Variants in NEURL1B observed in about 807,000 individuals in gnomAD.
NEURL1B encodes neuralized E3 ubiquitin protein ligase 1B.
In NEURL1B, 13 loss-of-function variants were observed where a neutral mutation model predicts 37.4. The ratio of observed to expected loss-of-function variants is 0.35; its 90% confidence interval spans 0.23 to 0.55. The LOEUF is 0.55. NEURL1B is among the 20% of genes least tolerant of loss of function. The probability of loss-of-function intolerance (pLI) is 0.89; values close to 1 mark genes in which losing one functional copy is unlikely to be tolerated. For missense variants in NEURL1B, 790 were observed against 879.2 expected (o/e 0.90, Z 1.28); for synonymous variants, 432 against 426.6 (o/e 1.01, Z -0.16).
intron 1 of NEURL1B, among the ~76,000 whole-genome samples, chr5:172,643,254 G>A (rs913024049): frequency 2.1e-4 from 32 of 152,158 alleles, no homozygotes; most frequent in African/African-American, 7.5e-4. Context: ...GGTCAGAACC[G>A]GAATTCCTGA....
At chr5:172,653,964 C>T (rs1327487713) in intron 1 of NEURL1B, among the ~76,000 whole-genome samples, 2 of 152,100 alleles carry the variant, frequency 1.3e-5, no homozygotes, top group African/African-American at 4.8e-5. Flanking sequence ...TACCATATAA[C>T]ATACTTTTTA....
rs568129709 is a variant in NEURL1B at position 172,651,923 on chromosome 5, G to A, written c.31+10486G>A. ...TTTTCCTCCCACTGGTTGATGAAAT[G>A]CCAGGGTGAAAGGGATAGCCAACTG... On this transcript the variant is annotated intron_variant, in intron 1 of 4. Transcript: ENST00000369800. 2.6e-5 allele frequency among the ~76,000 whole-genome samples: 4 copies of A among 152,342 alleles called. No individual in the cohort carries two copies. The South Asian group carries it at 8.3e-4, about 32-fold the overall frequency.
At chr5:172,644,366 C>T (rs143345074) in intron 1 of NEURL1B, among the ~76,000 whole-genome samples, 115 of 152,292 alleles carry the variant, frequency 7.6e-4, no homozygotes, top group Non-Finnish European at 1.1e-3. Flanking sequence ...AACTTAGCTC[C>T]AAAGTCCTGC....
intron 1 of NEURL1B, chr5:172,656,586 A>AGCTCCTCGAGTTTCTTCT: frequency 1.2e-6 from 2 of 1,611,112 alleles, no homozygotes; most frequent in Non-Finnish European, 8.5e-7. Context: ...CTTCGCTTTT[A>AGCTCCTCGAGTTTCTTCT]GCTCCTCGAG....
rs982981346 is a variant in NEURL1B at position 172,661,720 on chromosome 5, C to T, written c.32-8065C>T. Among the ~76,000 whole-genome samples the T allele has an allele frequency of 3.9e-5, 6 of 152,240 alleles. No homozygotes were observed. Among genetic ancestry groups the T allele is most frequent in the African/African-American group, 7.2e-5 (3 of 41,462 alleles). On this transcript the variant is annotated intron_variant, in intron 1 of 4. Coordinates refer to ENST00000369800, the MANE Select transcript of NEURL1B (RefSeq NM_001142651.3). The surrounding 1 kb of genome is among the most constrained non-coding windows in gnomAD (Gnocchi z 4.0). ...AAAACCTCAGCCAGCATGCCATCTG[C>T]GGAACTCCAGCAGGCTGGAAGCCGG... is the stretch of plus-strand genomic sequence containing the variant.
chr5:172,670,010 T>C lies in NEURL1B; in HGVS notation c.257T>C (p.Leu86Pro), dbSNP rs1466946786. 2.0e-6 allele frequency: 3 copies of C among 1,486,792 alleles called. No individual in the cohort carries two copies. The highest frequency in any genetic ancestry group is 2.7e-6 in the Non-Finnish European group (3 of 1,124,530). The allele number at this position is 1,486,792 out of a possible 1,614,324, so 92.1% of individuals were successfully genotyped here. Residue 86 changes from leucine (L) to proline (P), a missense_variant, in exon 2 of 5, where the codon CTG (leucine) becomes CCG (proline). By Grantham distance (98) the Leu-to-Pro change is moderately conservative. Coordinates refer to ENST00000369800, the MANE Select transcript of NEURL1B (RefSeq NM_001142651.3). ...CTGTACGAGCAGGTGCGGCTGCGCC[T>C]GGTGGCCGTGCGCCCTGGCTGGAGC... ...IRLYEQVRLR[L>P]VAVRPGWSGA...
intron 1 of NEURL1B, among the ~76,000 whole-genome samples, chr5:172,663,695 G>C (rs1439039065): frequency 1.3e-5 from 2 of 151,786 alleles, no homozygotes; most frequent in Non-Finnish European, 2.9e-5. Flanking sequence ...AGAAGTGGGG[G>C]GCACGGCTCA....
intron 1 of NEURL1B, among the ~76,000 whole-genome samples, chr5:172,664,484 C>T (rs560988571): frequency 7.8e-6 from 1 of 127,856 alleles, no homozygotes; most frequent in Admixed American, 8.1e-5. Flanking sequence ...GGAGAGGCAG[C>T]GGGTGGGGGG....
At chr5:172,664,042 C>T (rs1263806860) in intron 1 of NEURL1B, among the ~76,000 whole-genome samples, 8 of 151,404 alleles carry the variant, frequency 5.3e-5, no homozygotes, top group Non-Finnish European at 2.9e-5. Context: ...GGCTTGGGAG[C>T]GATGTGGGGA....
rs879628386 is a variant in NEURL1B at position 172,665,871 on chromosome 5, G to C, written c.32-3914G>C. 6.6e-6 allele frequency among the ~76,000 whole-genome samples: 1 copy of C among 152,190 alleles called. No homozygotes were observed. Among genetic ancestry groups the C allele is most frequent in the Admixed American group, 6.5e-5 (1 of 15,286 alleles). ...GCCTGAGATGGTCTTTATCACGCCT[G>C]TTGTCGTTGGGCATTCAGCTGTGTG... On this transcript the variant is annotated intron_variant, in intron 1 of 4. Coordinates refer to ENST00000369800, the MANE Select transcript of NEURL1B (RefSeq NM_001142651.3). The surrounding 1 kb of genome is among the most constrained non-coding windows in gnomAD (Gnocchi z 4.1).
At chr5:172,656,990 C>T (rs186308032) in intron 1 of NEURL1B, among the ~76,000 whole-genome samples, 4 of 152,232 alleles carry the variant, frequency 2.6e-5, no homozygotes, top group Admixed American at 2.6e-4. Flanking sequence ...ATCTGTGCTC[C>T]CAAAATTGAT....
intron 1 of NEURL1B, among the ~76,000 whole-genome samples, chr5:172,648,046 G>A (rs920339393): frequency 3.3e-5 from 5 of 152,162 alleles, no homozygotes; most frequent in South Asian, 2.1e-4. Context: ...TCCAGGGCCC[G>A]CGTCTGTCCT....
In NEURL1B at chr5:172,689,535, A is replaced by G. The variant is rs571026743; in HGVS notation, c.*2610A>G. On this transcript the variant is annotated 3_prime_UTR_variant, in exon 5 of 5. Coordinates refer to ENST00000369800, the MANE Select transcript of NEURL1B (RefSeq NM_001142651.3). Reference sequence around the variant, plus strand: ...TCCAATCAGAGATGTTCACGTGTGAAAAAAAAACTGTGCTACTTACAATCT... The same window carrying G: ...TCCAATCAGAGATGTTCACGTGTGAGAAAAAAACTGTGCTACTTACAATCT... The G allele has an allele frequency of 4.0e-5, 6 of 151,616 alleles. No individual in the cohort carries two copies. The highest frequency in any genetic ancestry group is 1.2e-4 in the African/African-American group (5 of 41,234). The allele number at this position is 151,616 out of a possible 1,614,324, so 9.4% of individuals were successfully genotyped here.
At chr5:172,655,109 G>A (rs777743190) in intron 1 of NEURL1B, among the ~76,000 whole-genome samples, 5 of 152,030 alleles carry the variant, frequency 3.3e-5, no homozygotes, top group African/African-American at 4.8e-5. Flanking sequence ...GGAAGGGACC[G>A]GAGGGAGTGG....
At chr5:172,674,306 AT>A (rs1166550890) in intron 2 of NEURL1B, among the ~76,000 whole-genome samples, 1 of 151,336 alleles carries the variant, frequency 6.6e-6, no homozygotes, top group Non-Finnish European at 1.5e-5. Context: ...GGCCTCACAT[AT>A]TTTTTTTGCC....
rs778473251 is a variant in NEURL1B, at chr5:172,686,192, C to T, written c.1319C>T (p.Ala440Val). Residue 440 changes from alanine to valine, a missense_variant, in exon 4 of 5, where the codon GCG (alanine) becomes GTG (valine). Around this residue, in one of 3 missense-constraint regions of NEURL1B, gnomAD observed 460 missense variants for 407.4 expected, o/e 1.13. Transcript: ENST00000369800. This position sits in a 1 kb window ranked among gnomAD's most constrained non-coding sequence, Gnocchi z 7.9. ...TCAGGTACCCTGCAGTCCAGCCCTG[C>T]GACCACGACTCCATCAGGGTCCCTC... The part of the protein sequence containing the change: ...RLLGTLQSSP[A>V]TTTPSGSLSG... 4.3e-5 allele frequency: 66 copies of T among 1,551,514 alleles called. No homozygotes were observed. In the South Asian group the frequency reaches 5.2e-4, roughly 12 times the overall value.
At chr5:172,654,908 G>T (rs1220310119) in intron 1 of NEURL1B, among the ~76,000 whole-genome samples, 5 of 152,096 alleles carry the variant, frequency 3.3e-5, no homozygotes, top group Non-Finnish European at 7.4e-5. Context: ...GGGTACACTG[G>T]TTTTTTCTTA....
chr5:172,662,784 G>A (rs1406127807), intron 1 of NEURL1B, among the ~76,000 whole-genome samples: 1 of 152,144 alleles, frequency 6.6e-6, no homozygotes, highest in Non-Finnish European at 1.5e-5. Context: ...GACAGCCAGA[G>A]TTCCCTCCTC....
Position 172,661,855 on chromosome 5 carries a change from T to C in NEURL1B, c.32-7930T>C, listed in dbSNP as rs78004898. ...CAAAGGAAGGGCTAGGCTGGAGAGA[T>C]GAGTGGGGACCATTCAGGGGATGGC... is the stretch of plus-strand genomic sequence containing the variant. On this transcript the variant is annotated intron_variant, in intron 1 of 4. Transcript: ENST00000369800. This position sits in a 1 kb window ranked among gnomAD's most constrained non-coding sequence, Gnocchi z 4.0. Among the ~76,000 whole-genome samples the C allele has an allele frequency of 6.6e-6, 1 of 152,216 alleles. No homozygotes were observed. Among genetic ancestry groups the C allele is most frequent in the Non-Finnish European group, 1.5e-5 (1 of 68,034 alleles).
Sources: gnomAD v4.1 joint callset for allele counts (sites outside exome capture counted in the v4.1 genomes callset) on GRCh38, gnomAD v4.1.1 for gene constraint, gnomAD v4.1.1 regional missense constraint, Gnocchi (gnomAD v3.1) non-coding constraint, MANE v1.5 for transcripts, NCBI Gene and HGNC (gene_info 2026-07-23, HGNC 2026-07-21) for gene names.